The following NMBR variants were observed in gnomAD, a reference collection of about 807,000 sequenced individuals.
The protein encoded by NMBR is neuromedin B receptor, also known as neuromedin-B receptor.
NMBR carries 16 observed loss-of-function variants against 20.5 expected under a neutral mutation model. That is an observed-to-expected ratio of 0.78 (90% CI 0.53 to 1.19). The LOEUF (loss-of-function observed/expected upper bound fraction) is 1.19. Among genes scored for constraint, NMBR ranks in the 50% most tolerant of loss-of-function variants. The pLI is 0.00. For missense variants in NMBR, 582 were observed against 499.1 expected (o/e 1.17, Z -1.58); for synonymous variants, 212 against 196.6 (o/e 1.08, Z -0.65).
chr6:142,121,334 A>G (rs1318809794), intron 1 of NMBR, among the ~76,000 whole-genome samples: 1 of 151,962 alleles, frequency 6.6e-6, no homozygotes, highest in Non-Finnish European at 1.5e-5. Flanking sequence ...CAAAAGAGTC[A>G]CAGGTCTCTC....
intron 1 of NMBR, among the ~76,000 whole-genome samples, chr6:142,122,642 A>G (rs1777964312): frequency 6.6e-6 from 1 of 151,974 alleles, no homozygotes; most frequent in Admixed American, 6.6e-5. Flanking sequence ...AGGAGCTAAT[A>G]CAGTTGGTAA....
At chr6:142,122,033 T>C (rs905683913) in intron 1 of NMBR, among the ~76,000 whole-genome samples, 1 of 151,928 alleles carries the variant, frequency 6.6e-6, no homozygotes, top group Non-Finnish European at 1.5e-5. Context: ...TCATTCCCAG[T>C]TCCCTTTTTA....
intron 2 of NMBR, 71 bp from the exon 3 acceptor site, chr6:142,078,974 GA>G (rs1562389987): frequency 1.3e-5 from 13 of 997,538 alleles, no homozygotes; most frequent in Non-Finnish European, 1.6e-5. Context: ...AAGAAAGAAA[GA>G]AAAAGAAAGG....
chr6:142,106,012 T>C (rs1777655745), intron 1 of NMBR, among the ~76,000 whole-genome samples: 1 of 152,152 alleles, frequency 6.6e-6, no homozygotes, highest in Non-Finnish European at 1.5e-5. Flanking sequence ...TAATATGACT[T>C]TAAGATTTTA....
At chr6:142,084,902 T>C (rs2114562188) in intron 2 of NMBR, among the ~76,000 whole-genome samples, 1 of 152,250 alleles carries the variant, frequency 6.6e-6, no homozygotes, top group Non-Finnish European at 1.5e-5. Flanking sequence ...AGAATATGTG[T>C]GTGTTTGTGT....
At chr6:142,138,189 A>G (rs1156306280) in intron 1 of NMBR, among the ~76,000 whole-genome samples, 1 of 152,158 alleles carries the variant, frequency 6.6e-6, no homozygotes. Context: ...TAAAATCCTT[A>G]TGTATTACTG....
At chr6:142,082,526 T>C (rs1052174552) in intron 2 of NMBR, among the ~76,000 whole-genome samples, 2 of 152,216 alleles carry the variant, frequency 1.3e-5, no homozygotes, top group African/African-American at 4.8e-5. Context: ...ATTAGGCTTC[T>C]CTGTAGAGTT....
chr6:142,121,091 G>C (rs1022853459), intron 1 of NMBR, among the ~76,000 whole-genome samples: 1 of 151,900 alleles, frequency 6.6e-6, no homozygotes, highest in African/African-American at 2.4e-5. Flanking sequence ...CTTTTATGAT[G>C]ATCTGTGATG....
At chr6:142,078,485 C>A in intron 3 of NMBR, 70 bp downstream of exon 3, 2 of 889,666 alleles carry the variant, frequency 2.2e-6, no homozygotes, top group Admixed American at 2.5e-5. Flanking sequence ...TAAAAGCCCA[C>A]AAAATAAAAC....
At chr6:142,130,734 G>T (rs1355896374) in intron 1 of NMBR, among the ~76,000 whole-genome samples, 1 of 152,100 alleles carries the variant, frequency 6.6e-6, no homozygotes, top group Non-Finnish European at 1.5e-5. Flanking sequence ...GTCTGAGCAA[G>T]TTATTTACTC....
chr6:142,094,309 T>C (rs1177602517), intron 1 of NMBR, among the ~76,000 whole-genome samples: 3 of 152,202 alleles, frequency 2.0e-5, no homozygotes. Context: ...CTTTAATCCA[T>C]CTTGAATTAA....
chr6:142,142,210 A>G (rs891175185), intron 1 of NMBR, among the ~76,000 whole-genome samples: 1 of 152,228 alleles, frequency 6.6e-6, no homozygotes, highest in Non-Finnish European at 1.5e-5. Flanking sequence ...AAGCTTTCCC[A>G]TAAAGAAATG....
intron 1 of NMBR, among the ~76,000 whole-genome samples, chr6:142,146,318 T>G (rs950761790): frequency 6.6e-6 from 1 of 152,148 alleles, no homozygotes; most frequent in East Asian, 1.9e-4. Flanking sequence ...CTCTTGGGGA[T>G]AGTGTGATTT....
chr6:142,086,826 T>C (rs1320379405), intron 2 of NMBR, among the ~76,000 whole-genome samples: 4 of 152,180 alleles, frequency 2.6e-5, no homozygotes, highest in Non-Finnish European at 5.9e-5. Flanking sequence ...CCCTGGGTCT[T>C]GCTACCAATG....
At position 142,145,616 on chromosome 6, in the gene NMBR, T is replaced by C. The variant is rs1778418674; in HGVS notation, c.-664+1428A>G. On this transcript the variant is annotated intron_variant, in intron 1 of 3. Coordinates refer to ENST00000258042, the MANE Select transcript of NMBR (RefSeq NM_002511.4). ...TGCTGCTAGCTAGTTATTATTACTT[T>C]AAGTTGTGGTAGAGGCAAGGCAAAA... Among the ~76,000 whole-genome samples the C allele has an allele frequency of 3.3e-5, 5 of 150,634 alleles. No individual in the cohort carries two copies. In the South Asian group the frequency reaches 1.0e-3, roughly 32 times the overall value.
intron 1 of NMBR, among the ~76,000 whole-genome samples, chr6:142,140,723 G>C (rs1340809036): frequency 6.6e-6 from 1 of 151,956 alleles, no homozygotes; most frequent in Non-Finnish European, 1.5e-5. Context: ...ATATTTTATA[G>C]AAAATAAATG....
intron 2 of NMBR, among the ~76,000 whole-genome samples, chr6:142,086,303 A>G (rs1453467223): frequency 6.6e-6 from 1 of 152,198 alleles, no homozygotes; most frequent in Non-Finnish European, 1.5e-5. Context: ...TGAGGGTTGA[A>G]AAATTACACA....
intron 1 of NMBR, among the ~76,000 whole-genome samples, chr6:142,141,391 T>G (rs921275539): frequency 3.3e-5 from 5 of 152,258 alleles, no homozygotes; most frequent in Admixed American, 1.3e-4. Context: ...CTTATCAAAG[T>G]AAGTGGAAAG....
At chr6:142,094,650 ATATGAACTT>A (rs1777408011) in intron 1 of NMBR, among the ~76,000 whole-genome samples, 1 of 152,154 alleles carries the variant, frequency 6.6e-6, no homozygotes, top group Non-Finnish European at 1.5e-5. Flanking sequence ...TTTTGGTTCC[ATATGAACTT>A]TAAAGGAGTT....
Sources: gnomAD v4.1 joint callset for allele counts (sites outside exome capture counted in the v4.1 genomes callset) on GRCh38, gnomAD v4.1.1 for gene constraint, MANE v1.5 for transcripts, NCBI Gene and HGNC (gene_info 2026-07-23, HGNC 2026-07-21) for gene names.